Variants in SORCS2 observed in about 807,000 individuals in gnomAD.
SORCS2 encodes the protein sortilin related VPS10 domain containing receptor 2, also known as VPS10 domain-containing receptor SorCS2.
SORCS2 carries 100 observed loss-of-function variants against 141.6 expected under a neutral mutation model. The ratio of observed to expected loss-of-function variants is 0.71; its 90% CI spans 0.60 to 0.83. SORCS2 has a LOEUF of 0.83. SORCS2 is among the 40% of genes least tolerant of loss of function. SORCS2 has a pLI of 0.00. For missense variants in SORCS2, 1,646 were observed against 1,560.2 expected (o/e 1.05, Z -0.93); for synonymous variants, 789 against 676.9 (o/e 1.17, Z -2.57).
Position 7,648,973 on chromosome 4 carries a change from C to T in SORCS2, c.814-5161C>T, listed in dbSNP as rs997432950. Among the ~76,000 whole-genome samples the T allele has an allele frequency of 2.6e-5, 4 of 152,178 alleles. No individual in the cohort carries two copies. Among genetic ancestry groups the T allele is most frequent in the Non-Finnish European group, 5.9e-5 (4 of 68,014 alleles). On this transcript the variant is annotated intron_variant, in intron 4 of 26. Transcript: ENST00000507866. This position sits in a 1 kb window ranked among gnomAD's most constrained non-coding sequence, Gnocchi z 4.2. ...CGCCTGGGGATCCCTCCCCCGAGCC[C>T]AGCTGGCACTGGCACCAGGACATGA...
intron 1 of SORCS2, among the ~76,000 whole-genome samples, chr4:7,298,292 G>C (rs560293338): frequency 1.3e-5 from 2 of 152,210 alleles, no homozygotes. Context: ...AGGCACCCCA[G>C]CAGGGGTGAG....
chr4:7,319,688 T>G (rs558144802), intron 1 of SORCS2, among the ~76,000 whole-genome samples: 77 of 152,342 alleles, frequency 5.1e-4, no homozygotes, highest in African/African-American at 1.8e-3. Context: ...TACTCCAGTC[T>G]GGGCAACAAA....
chr4:7,201,917 G>A lies in SORCS2; in HGVS notation c.480+8791G>A, dbSNP rs531506357. Among the ~76,000 whole-genome samples, 3 of 152,266 alleles carry A rather than the reference G, an allele frequency of 2.0e-5. No individual in the cohort carries two copies. The highest frequency in any genetic ancestry group is 4.4e-5 in the Non-Finnish European group (3 of 68,026). ...TGGCTCTGGCCACCGGGAGGGCAAG[G>A]TCTCCGTCTGTAGCTTTGGAAAGGT... On this transcript the variant is annotated intron_variant, in intron 1 of 26. Coordinates refer to ENST00000507866, the MANE Select transcript of SORCS2 (RefSeq NM_020777.3). The surrounding 1 kb of genome is among the most constrained non-coding windows in gnomAD (Gnocchi z 4.4).
intron 1 of SORCS2, among the ~76,000 whole-genome samples, chr4:7,392,160 T>G (rs76309219): frequency 0.063 from 9,529 of 152,292 alleles, 696 homozygotes; most frequent in African/African-American, 0.17. Flanking sequence ...CTCCACGCTG[T>G]GGAACTCCTC....
chr4:7,630,486 C>T (rs748637054), intron 3 of SORCS2, among the ~76,000 whole-genome samples: 11 of 152,240 alleles, frequency 7.2e-5, no homozygotes, highest in Non-Finnish European at 1.5e-4. Flanking sequence ...AGGAGAGGGA[C>T]TTGTCCAAGG....
intron 2 of SORCS2, among the ~76,000 whole-genome samples, chr4:7,413,532 C>T (rs898903739): frequency 2.0e-5 from 3 of 151,422 alleles, no homozygotes; most frequent in South Asian, 2.1e-4. Context: ...TAGCTACATG[C>T]GCCCGCCACC....
chr4:7,341,924 A>G (rs1410073035), intron 1 of SORCS2, among the ~76,000 whole-genome samples: 2 of 152,070 alleles, frequency 1.3e-5, no homozygotes, highest in Non-Finnish European at 2.9e-5. Context: ...TGTTCTAGAT[A>G]TTTTATGTTG....
At chr4:7,390,954 T>C (rs746279310) in intron 1 of SORCS2, among the ~76,000 whole-genome samples, 2 of 152,152 alleles carry the variant, frequency 1.3e-5, no homozygotes, top group Non-Finnish European at 2.9e-5. Context: ...CTCAGAAACG[T>C]GCCAGTGACC....
intron 1 of SORCS2, among the ~76,000 whole-genome samples, chr4:7,275,269 G>A (rs2108848947): frequency 6.6e-6 from 1 of 152,310 alleles, no homozygotes; most frequent in Non-Finnish European, 1.5e-5. Context: ...ATGACTCGAA[G>A]TCATGGTCAA....
At chr4:7,370,742 T>C (rs1471908590) in intron 1 of SORCS2, among the ~76,000 whole-genome samples, 1 of 152,156 alleles carries the variant, frequency 6.6e-6, no homozygotes, top group Admixed American at 6.5e-5. Flanking sequence ...TGATCCTGTG[T>C]GACATTTCTC....
intron 3 of SORCS2, among the ~76,000 whole-genome samples, chr4:7,575,228 A>C (rs1215339950): frequency 6.6e-6 from 1 of 152,170 alleles, no homozygotes; most frequent in Non-Finnish European, 1.5e-5. Flanking sequence ...GAAATATACG[A>C]GCCGTGTGTG....
At chr4:7,203,296 T>G (rs569509411) in intron 1 of SORCS2, among the ~76,000 whole-genome samples, 6 of 152,352 alleles carry the variant, frequency 3.9e-5, no homozygotes, top group African/African-American at 1.4e-4. Context: ...TGATGGCACA[T>G]GCCTGTAATC....
At chr4:7,278,832 G>A (rs1401244030) in intron 1 of SORCS2, among the ~76,000 whole-genome samples, 1 of 152,176 alleles carries the variant, frequency 6.6e-6, no homozygotes, top group Non-Finnish European at 1.5e-5. Context: ...CCCTTTAACT[G>A]GCTTACCCAG....
chr4:7,361,384 C>T (rs929576506), intron 1 of SORCS2, among the ~76,000 whole-genome samples: 2 of 152,178 alleles, frequency 1.3e-5, no homozygotes, highest in African/African-American at 4.8e-5. Context: ...GGTGACAGCG[C>T]ACTCCTTGGG....
In SORCS2 at chr4:7,607,939, G is replaced by A. The variant is rs536334992; in HGVS notation, c.649-30389G>A. On this transcript the variant is annotated intron_variant, in intron 3 of 26. Transcript: ENST00000507866. ...CCCCGGCTGGCCGTGAGTGAGTTGC[G>A]GTTCCCCTGTGCTTTGGTTTGGGCT... is the stretch of plus-strand genomic sequence containing the variant. Among the ~76,000 whole-genome samples, 5 of 152,218 alleles carry A rather than the reference G, an allele frequency of 3.3e-5. No individual in the cohort carries two copies. In the East Asian group the frequency reaches 7.7e-4, roughly 24 times the overall value.
intron 2 of SORCS2, among the ~76,000 whole-genome samples, chr4:7,496,025 G>A (rs956782252): frequency 6.6e-6 from 1 of 152,214 alleles, no homozygotes. Flanking sequence ...GTCACAGAAG[G>A]ACTTGGAAGG....
intron 1 of SORCS2, among the ~76,000 whole-genome samples, chr4:7,268,573 C>T (rs188788887): frequency 8.9e-4 from 135 of 152,308 alleles, no homozygotes; most frequent in African/African-American, 3.1e-3. Context: ...TCCGAGGGCC[C>T]ATGTGTGTCC....
intron 3 of SORCS2, among the ~76,000 whole-genome samples, chr4:7,578,139 C>A (rs1381096781): frequency 2.0e-5 from 3 of 152,166 alleles, no homozygotes; most frequent in African/African-American, 4.8e-5. Flanking sequence ...TCTCTCAGAA[C>A]CAGATTGGTT....
chr4:7,358,139 T>A (rs906176102), intron 1 of SORCS2, among the ~76,000 whole-genome samples: 1 of 152,220 alleles, frequency 6.6e-6, no homozygotes, highest in African/African-American at 2.4e-5. Flanking sequence ...AGAGAATGAA[T>A]TTTTCCTAAC....
Sources: allele counts gnomAD v4.1 joint callset (sites outside exome capture counted in the v4.1 genomes callset), GRCh38; gene constraint gnomAD v4.1.1; non-coding constraint Gnocchi (gnomAD v3.1); transcripts MANE v1.5; gene names NCBI Gene and HGNC (gene_info 2026-07-23, HGNC 2026-07-21).